The following GALNT13 variants were observed in gnomAD, a reference collection of about 807,000 sequenced individuals.
The protein encoded by GALNT13 is UDP-GalNAc:polypeptide N-acetylgalactosaminyltransferase 13.
Under a neutral mutation model 64.2 loss-of-function variants are expected in GALNT13, and 28 were observed. The observed-to-expected ratio is 0.44, with a 90% CI of 0.32 to 0.60. The LOEUF (loss-of-function observed/expected upper bound fraction) is 0.60, where lower values mean the gene tolerates loss of function less well. Ranked by LOEUF, GALNT13 falls within the 20% of genes least tolerant of loss-of-function variation. The pLI is 0.05. For missense variants in GALNT13, 577 were observed against 669.8 expected, an observed-to-expected ratio of 0.86 and a Z score of 1.53; for synonymous variants, 214 against 224.6, an observed-to-expected ratio of 0.95 and a Z score of 0.42.
chr2:153,745,562 A>C, the GALNT13 span, among the ~76,000 whole-genome samples: 4 of 152,302 alleles, frequency 2.6e-5, no homozygotes, highest in East Asian at 5.8e-4. Context: ...TTCTAAATTC[A>C]ATGAAAGAAA....
intron 10 of GALNT13, among the ~76,000 whole-genome samples, chr2:154,396,420 G>A (rs1435441761): frequency 1.3e-5 from 2 of 152,062 alleles, no homozygotes; most frequent in South Asian, 2.1e-4. Flanking sequence ...TTTTGTTCAT[G>A]TGGGTTACAA....
At chr2:154,244,672 A>G (rs1573944437) in intron 6 of GALNT13, among the ~76,000 whole-genome samples, 1 of 152,332 alleles carries the variant, frequency 6.6e-6, no homozygotes, top group Admixed American at 6.5e-5. Context: ...GAAATCACAG[A>G]AGGTTGGTCC....
chr2:154,089,348 CT>C (rs555430488), intron 3 of GALNT13, among the ~76,000 whole-genome samples: 5 of 152,070 alleles, frequency 3.3e-5, no homozygotes, highest in Non-Finnish European at 7.4e-5. Context: ...TAGCTTGAAA[CT>C]TTCCTCTTAT....
the GALNT13 span, among the ~76,000 whole-genome samples, chr2:153,507,021 G>A: frequency 6.6e-6 from 1 of 152,142 alleles, no homozygotes; most frequent in Non-Finnish European, 1.5e-5. Flanking sequence ...ACTTCTTGGA[G>A]GCTTGGTTCA....
chr2:153,194,467 C>A, the GALNT13 span, among the ~76,000 whole-genome samples: 1 of 152,022 alleles, frequency 6.6e-6, no homozygotes, highest in Non-Finnish European at 1.5e-5. Context: ...ATATCTTTCT[C>A]TTTTATATCC....
chr2:153,870,455 T>C (rs1227108612), upstream of GALNT13, among the ~76,000 whole-genome samples: 2 of 151,938 alleles, frequency 1.3e-5, no homozygotes, highest in Non-Finnish European at 2.9e-5. Flanking sequence ...GTATGCCATG[T>C]AGAGGTGAGT....
rs70983718 is a variant in GALNT13, at chr2:154,322,144, C to CT, written c.1156+20585dup. Among the ~76,000 whole-genome samples the CT allele has an allele frequency of 2.9e-3, 49 of 16,630 alleles. 6 individuals are homozygous for CT. Among genetic ancestry groups the CT allele is most frequent in the East Asian group, 7.2e-3 (4 of 554 alleles). The allele number at this position is 16,630 out of a possible 152,430, so 10.9% of individuals were successfully genotyped here. ...TTGAGTTTACTTTCTAAAATATGTA[C>CT]TTTTTTTTTTTTTTTTTTTTTTTTT... On this transcript the variant is annotated intron_variant, in intron 9 of 12. Transcript: ENST00000392825.
At chr2:153,143,683 C>T in the GALNT13 span, among the ~76,000 whole-genome samples, 1 of 151,980 alleles carries the variant, frequency 6.6e-6, no homozygotes, top group African/African-American at 2.4e-5. Context: ...GACTATATTA[C>T]AAATGTTACT....
chr2:154,236,344 G>C (rs965732361), intron 4 of GALNT13, among the ~76,000 whole-genome samples: 1 of 152,000 alleles, frequency 6.6e-6, no homozygotes, highest in Non-Finnish European at 1.5e-5. Flanking sequence ...CTACACATTT[G>C]AACTTCCAAA....
chr2:153,262,752 C>G, the GALNT13 span, among the ~76,000 whole-genome samples: 3 of 152,070 alleles, frequency 2.0e-5, no homozygotes, highest in Admixed American at 6.6e-5. Flanking sequence ...AGTTCAACAT[C>G]CTTTATGTTA....
At chr2:154,425,526 T>C (rs1700432829) in intron 11 of GALNT13, among the ~76,000 whole-genome samples, 1 of 152,166 alleles carries the variant, frequency 6.6e-6, no homozygotes, top group Non-Finnish European at 1.5e-5. Context: ...GAAGAATATC[T>C]CATTTAGGAG....
chr2:153,714,167 T>C, the GALNT13 span, among the ~76,000 whole-genome samples: 1 of 152,148 alleles, frequency 6.6e-6, no homozygotes. Context: ...GATTTAGACA[T>C]GTTTGTTGTC....
At chr2:153,951,852 C>T (rs1692208499) in intron 3 of GALNT13, among the ~76,000 whole-genome samples, 1 of 152,062 alleles carries the variant, frequency 6.6e-6, no homozygotes, top group African/African-American at 2.4e-5. Context: ...GTAATGGAAT[C>T]TTTGTTACAG....
Position 154,087,222 on chromosome 2 carries a change from G to A in GALNT13, c.143-53115G>A, listed in dbSNP as rs939259764. ...GAAAAAAAAAAGATCAGACTCTTAG[G>A]CCAATTTTTCAGACTCTTCTGTAGA... is the stretch of plus-strand genomic sequence containing the variant. On this transcript the variant is annotated intron_variant, in intron 3 of 12. Coordinates refer to ENST00000392825, the MANE Select transcript of GALNT13 (RefSeq NM_052917.4). 1.8e-4 allele frequency among the ~76,000 whole-genome samples: 28 copies of A among 151,806 alleles called. 1 individual carries two copies. The highest frequency in any genetic ancestry group is 6.0e-4 in the African/African-American group (25 of 41,466).
chr2:154,369,395 T>C (rs1285230536), intron 9 of GALNT13, among the ~76,000 whole-genome samples: 1 of 152,096 alleles, frequency 6.6e-6, no homozygotes, highest in East Asian at 1.9e-4. Flanking sequence ...AAGAAATGAA[T>C]GTACAATACC....
At chr2:154,316,757 G>A (rs1395788231) in intron 9 of GALNT13, among the ~76,000 whole-genome samples, 1 of 152,118 alleles carries the variant, frequency 6.6e-6, no homozygotes, top group Admixed American at 6.6e-5. Context: ...TTACCCTGAT[G>A]ACTTTATCTA....
At chr2:153,620,882 G>C in the GALNT13 span, among the ~76,000 whole-genome samples, 2 of 151,802 alleles carry the variant, frequency 1.3e-5, no homozygotes, top group Non-Finnish European at 2.9e-5. Flanking sequence ...CACTGTGTGG[G>C]CTTATTTGTA....
chr2:153,264,081 G>C, the GALNT13 span, among the ~76,000 whole-genome samples: 1 of 152,050 alleles, frequency 6.6e-6, no homozygotes, highest in Non-Finnish European at 1.5e-5. Flanking sequence ...AGTCTACAAG[G>C]AACTTAAATT....
the GALNT13 span, among the ~76,000 whole-genome samples, chr2:153,432,121 G>A: frequency 1.3e-5 from 2 of 152,134 alleles, no homozygotes; most frequent in African/African-American, 2.4e-5. Flanking sequence ...AAAAGGAGAA[G>A]GAATTTGTGA....
Sources: gnomAD v4.1 joint callset for allele counts (sites outside exome capture counted in the v4.1 genomes callset) on GRCh38, gnomAD v4.1.1 for gene constraint, MANE v1.5 for transcripts, NCBI Gene and HGNC (gene_info 2026-07-23, HGNC 2026-07-21) for gene names.